Variants in ADAMTS13 observed in about 807,000 individuals in gnomAD.
The protein encoded by ADAMTS13 is A disintegrin and metalloproteinase with thrombospondin motifs 13.
Under a neutral mutation model 155.1 loss-of-function variants are expected in ADAMTS13, and 110 were observed. The observed-to-expected ratio is 0.71, with a 90% CI of 0.61 to 0.83. The LOEUF is 0.83. ADAMTS13 is among the 40% of genes least tolerant of loss of function. The probability of loss-of-function intolerance (pLI) is 0.00; values close to 1 mark genes in which losing one functional copy is unlikely to be tolerated. For synonymous variants in ADAMTS13, 758 were observed against 756.4 expected, an observed-to-expected ratio of 1.00 and a Z score of -0.03; for missense variants, 1,707 against 1,891.7, an observed-to-expected ratio of 0.90 and a Z score of 1.81.
rs1554783600 is a variant in ADAMTS13, at chr9:133,422,421, TC to T, written c.-21del. On this transcript the variant is annotated 5_prime_UTR_variant, in exon 1 of 29. Coordinates refer to ENST00000355699, the MANE Select transcript of ADAMTS13 (RefSeq NM_139027.6). Reference sequence around the variant, plus strand: ...AAGGCCCCCTCTCACTCCGCTCCACTCCTCGGGCTGGCTCTCCTGAGGATGC... The same window carrying T: ...AAGGCCCCCTCTCACTCCGCTCCACTCTCGGGCTGGCTCTCCTGAGGATGC... 1.2e-6 allele frequency: 2 copies of T among 1,609,832 alleles called. No homozygotes were observed. The highest frequency in any genetic ancestry group is 2.2e-5 in the South Asian group (2 of 91,044).
rs866231988 is a variant in ADAMTS13, at chr9:133,456,164, G to A, written c.3496G>A (p.Gly1166Arg). ...DCAVAIGRPL[G>R]EVVTLRVLES... ...TGCAGTGGCCATTGGGCGGCCCCTC[G>A]GGGAGGTGGTGACCCTCCGCGTCCT... is the stretch of plus-strand genomic sequence containing the variant. The change falls in exon 26 of 29, where the codon GGG (glycine) becomes AGG (arginine). Residue 1166 changes from glycine to arginine, a missense_variant. Coordinates refer to ENST00000355699, the MANE Select transcript of ADAMTS13 (RefSeq NM_139027.6). The surrounding 1 kb of genome is among the most constrained non-coding windows in gnomAD (Gnocchi z 4.4). The A allele has an allele frequency of 8.7e-6, 14 of 1,613,422 alleles. No individual in the cohort carries two copies. The highest frequency in any genetic ancestry group is 3.3e-4 in the Middle Eastern group (2 of 6,084).
At chr9:133,457,801 A>C in intron 27 of ADAMTS13, 109 bp from the exon 28 acceptor site, 1 of 1,438,110 alleles carries the variant, frequency 7.0e-7, no homozygotes, top group Non-Finnish European at 9.8e-7. Context: ...GAACCCCAAT[A>C]TTGACCACAG....
upstream of ADAMTS13, among the ~76,000 whole-genome samples, chr9:133,418,309 AG>A (rs1554782227): frequency 6.6e-6 from 1 of 152,230 alleles, no homozygotes; most frequent in African/African-American, 2.4e-5. Flanking sequence ...CGGTGGGGCT[AG>A]TGAGAGCCGG....
chr9:133,444,796 C>T, intron 19 of ADAMTS13, 67 bp from the exon 20 acceptor site: 4 of 1,541,244 alleles, frequency 2.6e-6, no homozygotes, highest in Non-Finnish European at 3.5e-6. Context: ...CTGCCCCTAG[C>T]AGCTGGGCTA....
At chr9:133,446,906 G>C (rs1363087867) in intron 21 of ADAMTS13, among the ~76,000 whole-genome samples, 1 of 152,174 alleles carries the variant, frequency 6.6e-6, no homozygotes, top group African/African-American at 2.4e-5. Context: ...TGCCGAGGCT[G>C]GAGTGCAGTG....
At position 133,425,973 on chromosome 9, in the gene ADAMTS13, C is replaced by G. The variant is rs1015807098; in HGVS notation, c.450C>G (p.Ser150=). 1.1e-5 allele frequency: 17 copies of G among 1,613,806 alleles called. No homozygotes were observed. Among genetic ancestry groups the G allele is most frequent in the Non-Finnish European group, 1.4e-5 (17 of 1,180,028 alleles). The change falls in exon 5 of 29, where the codon TCC becomes TCG. Residue 150 remains serine (S), a synonymous_variant. Transcript: ENST00000355699. The surrounding 1 kb of genome is among the most constrained non-coding windows in gnomAD (Gnocchi z 4.6). ...ATATCACAGCCAACCTCACCTCGTC[C>G]CTGCTGAGCGTCTGTGGGTGGAGCC... ...APNITANLTS[S]LLSVCGWSQT... is the part of the protein sequence containing the mutation.
chr9:133,457,819 C>T (rs1842831475), intron 27 of ADAMTS13, 91 bp from the exon 28 acceptor site: 1 of 1,519,596 alleles, frequency 6.6e-7, no homozygotes, highest in African/African-American at 1.4e-5. Flanking sequence ...CAGTGCCATG[C>T]TGCCCTGCAC....
intron 23 of ADAMTS13, among the ~76,000 whole-genome samples, chr9:133,452,506 C>G (rs587598831): frequency 2.6e-4 from 40 of 152,188 alleles, no homozygotes; most frequent in Middle Eastern, 6.8e-3. Flanking sequence ...GGCTGTGTGT[C>G]CCATTTATTT....
At chr9:133,433,811 TG>T in intron 11 of ADAMTS13, 107 bp downstream of exon 11, 4 of 1,354,988 alleles carry the variant, frequency 3.0e-6, no homozygotes, top group Non-Finnish European at 4.1e-6. Context: ...AGAAGGACAT[TG>T]GGGCCAGGTG....
chr9:133,427,793 G>A (rs1468929599), intron 6 of ADAMTS13, among the ~76,000 whole-genome samples: 1 of 130,802 alleles, frequency 7.6e-6, no homozygotes, highest in African/African-American at 2.7e-5. Flanking sequence ...CAAAGGCAGG[G>A]CTGCAGTCCT....
At chr9:133,433,327 CT>C in intron 9 of ADAMTS13, 50 bp from the exon 10 acceptor site, 1 of 1,608,970 alleles carries the variant, frequency 6.2e-7, no homozygotes, top group Non-Finnish European at 8.5e-7. Context: ...GTTGGGAGTC[CT>C]GTGGTGGGGT....
At chr9:133,426,090 C>T (rs1840261674) in intron 5 of ADAMTS13, 28 bp downstream of exon 5, 1 of 1,613,826 alleles carries the variant, frequency 6.2e-7, no homozygotes, top group Non-Finnish European at 8.5e-7. Context: ...TGGGTGCTGG[C>T]CAGCCAGCCT....
intron 23 of ADAMTS13, among the ~76,000 whole-genome samples, chr9:133,451,072 G>A (rs187876472): frequency 3.7e-4 from 57 of 152,296 alleles, no homozygotes; most frequent in Non-Finnish European, 6.5e-4. Flanking sequence ...GGTAAAGGGC[G>A]AACATTTGCC....
intron 8 of ADAMTS13, among the ~76,000 whole-genome samples, chr9:133,432,257 C>G (rs368132883): frequency 7.3e-4 from 111 of 151,940 alleles, no homozygotes; most frequent in African/African-American, 2.3e-3. Flanking sequence ...AAGAGCGAAA[C>G]TGTCTCAAAA....
At chr9:133,457,259 G>A (rs978972330) in intron 27 of ADAMTS13, among the ~76,000 whole-genome samples, 3 of 152,182 alleles carry the variant, frequency 2.0e-5, no homozygotes, top group African/African-American at 7.2e-5. Flanking sequence ...CGAGCTGGCC[G>A]AAGTTGGCTT....
At chr9:133,434,609 C>T (rs587764834) in intron 11 of ADAMTS13, among the ~76,000 whole-genome samples, 2 of 152,244 alleles carry the variant, frequency 1.3e-5, no homozygotes, top group South Asian at 2.1e-4. Context: ...CCGAAGGAGT[C>T]TTTTATTTAT....
At chr9:133,458,320 C>T (rs1014516603) in intron 28 of ADAMTS13, among the ~76,000 whole-genome samples, 3 of 152,060 alleles carry the variant, frequency 2.0e-5, no homozygotes, top group Non-Finnish European at 4.4e-5. Flanking sequence ...CTTTGGGAGG[C>T]CCAGGAGGGC....
chr9:133,453,092 A>G (rs1378151473), intron 23 of ADAMTS13, among the ~76,000 whole-genome samples: 1 of 151,474 alleles, frequency 6.6e-6, no homozygotes, highest in Non-Finnish European at 1.5e-5. Flanking sequence ...GCTTGAGCCC[A>G]GGAGTTCTAG....
At position 133,424,949 on chromosome 9, in the gene ADAMTS13, C is replaced by T. The variant is rs898220696; in HGVS notation, c.330+471C>T. ...TGCCCACCTTCATTTCTTGCTAGCA[C>T]CTGAATCCCTGCAGCCCCCCTTCAC... On this transcript the variant is annotated intron_variant, in intron 3 of 28. Transcript: ENST00000355699. This position sits in a 1 kb window ranked among gnomAD's most constrained non-coding sequence, Gnocchi z 4.3. Among the ~76,000 whole-genome samples, 1 of 152,194 alleles carries T rather than the reference C, an allele frequency of 6.6e-6. No homozygotes were observed. Among genetic ancestry groups the T allele is most frequent in the Non-Finnish European group, 1.5e-5 (1 of 68,030 alleles).
Sources: gnomAD v4.1 joint callset for allele counts (sites outside exome capture counted in the v4.1 genomes callset) on GRCh38, gnomAD v4.1.1 for gene constraint, Gnocchi (gnomAD v3.1) non-coding constraint, MANE v1.5 for transcripts, NCBI Gene and HGNC (gene_info 2026-07-23, HGNC 2026-07-21) for gene names.